The following ANKRD26 variants were observed in gnomAD, a reference collection of about 807,000 sequenced individuals.
ANKRD26 encodes ankyrin repeat domain 26.
ANKRD26 carries 141 observed loss-of-function variants against 208.7 expected under a neutral mutation model. The observed-to-expected ratio is 0.68, with a 90% CI of 0.59 to 0.78. The LOEUF (loss-of-function observed/expected upper bound fraction) is 0.78, where lower values mean the gene tolerates loss of function less well. ANKRD26 is among the 30% of genes least tolerant of loss of function. The pLI, the probability that ANKRD26 is intolerant of heterozygous loss-of-function variation, is 0.00. For missense variants in ANKRD26, 1,889 were observed against 1,938.7 expected, an observed-to-expected ratio of 0.97 and a Z score of 0.48; for synonymous variants, 636 against 660.4, an observed-to-expected ratio of 0.96 and a Z score of 0.57.
intron 12 of ANKRD26, among the ~76,000 whole-genome samples, chr10:27,061,725 G>A (rs903973872): frequency 2.6e-5 from 4 of 151,560 alleles, no homozygotes; most frequent in East Asian, 3.9e-4. Flanking sequence ...GCACCACCAC[G>A]CCTAATTTTT....
the ANKRD26 span, among the ~76,000 whole-genome samples, chr10:26,968,596 T>C: frequency 6.6e-6 from 1 of 152,212 alleles, no homozygotes; most frequent in South Asian, 2.1e-4. Flanking sequence ...CATGGTTTAA[T>C]ACCAAGACAG....
chr10:27,082,447 A>G (rs901200695), intron 6 of ANKRD26, among the ~76,000 whole-genome samples: 1 of 152,242 alleles, frequency 6.6e-6, no homozygotes, highest in African/African-American at 2.4e-5. Context: ...TCTGAGAGTT[A>G]ACATAGAACT....
chr10:26,982,819 T>TA (rs144481731), intron 3 of ANKRD26, among the ~76,000 whole-genome samples: 1 of 151,966 alleles, frequency 6.6e-6, no homozygotes, highest in African/African-American at 2.4e-5. Flanking sequence ...ACAACCTAAG[T>TA]AAAAAAACAG....
chr10:27,043,435 C>T lies in ANKRD26; in HGVS notation c.2152G>A (p.Glu718Lys). 6.2e-7 allele frequency: 1 copy of T among 1,614,016 alleles called. No homozygotes were observed. Among genetic ancestry groups the T allele is most frequent in the Non-Finnish European group, 8.5e-7 (1 of 1,179,948 alleles). ...TATGCAATGGTCCTACCTTTACACTCCATTCCAAGTTGTTCAATGAGCAAC... is the reference window on the plus strand; with the variant it reads ...TATGCAATGGTCCTACCTTTACACTTCATTCCAAGTTGTTCAATGAGCAAC... ...FMLLIEQLGM[E>K]CKDSVSLLKI... Residue 718 changes from glutamate to lysine, a missense_variant, in exon 20 of 34, where the codon GAG (glutamate) becomes AAG (lysine). Coordinates refer to ENST00000376087, the MANE Select transcript of ANKRD26 (RefSeq NM_014915.3).
intron 1 of ANKRD26, among the ~76,000 whole-genome samples, chr10:27,099,383 C>G (rs939810622): frequency 6.6e-6 from 1 of 152,158 alleles, no homozygotes; most frequent in African/African-American, 2.4e-5. Flanking sequence ...ACTGCTTAAG[C>G]AATGCTGAGA....
rs1275373986 is a variant in ANKRD26 at position 27,016,750 on chromosome 10, GT to G, written c.4506+751del. ...ATACTTGGGTCAAACTGTTAAAATGGTTGTGTTTAATTATTTGTAAATTATC... is the reference window on the plus strand; with the variant it reads ...ATACTTGGGTCAAACTGTTAAAATGGTGTGTTTAATTATTTGTAAATTATC... On this transcript the variant is annotated intron_variant, in intron 30 of 33. Coordinates refer to ENST00000376087, the MANE Select transcript of ANKRD26 (RefSeq NM_014915.3). 5.9e-5 allele frequency among the ~76,000 whole-genome samples: 9 copies of G among 152,036 alleles called. No homozygotes were observed. In the South Asian group the frequency reaches 8.3e-4, roughly 14 times the overall value.
intron 5 of ANKRD26, among the ~76,000 whole-genome samples, chr10:26,978,723 A>C (rs191619438): frequency 1.6e-3 from 247 of 152,302 alleles, no homozygotes; most frequent in Non-Finnish European, 2.2e-3. Context: ...ATGTATGCGC[A>C]AGCCACATGC....
At chr10:27,060,690 C>G in intron 13 of ANKRD26, 150 bp from the exon 14 acceptor site, 1 of 676,972 alleles carries the variant, frequency 1.5e-6, no homozygotes, top group Non-Finnish European at 2.6e-6. Context: ...TTGGTTAGGA[C>G]AGCAACATGA....
At chr10:27,051,180 G>T in intron 16 of ANKRD26, 1 of 1,289,848 alleles carries the variant, frequency 7.8e-7, no homozygotes, top group Non-Finnish European at 1.0e-6. Context: ...TACTTTTGAT[G>T]TTCTGTCACC....
chr10:27,019,942 A>G (rs1445483902), intron 29 of ANKRD26, among the ~76,000 whole-genome samples: 1 of 152,244 alleles, frequency 6.6e-6, no homozygotes, highest in Non-Finnish European at 1.5e-5. Flanking sequence ...TTCCCTGGAC[A>G]CAGCTCAAAG....
intron 9 of ANKRD26, among the ~76,000 whole-genome samples, chr10:27,075,043 G>GA (rs1319668521): frequency 1.3e-5 from 2 of 152,124 alleles, no homozygotes; most frequent in Non-Finnish European, 2.9e-5. Flanking sequence ...AATGCTGAGG[G>GA]AATCTGTCAA....
At chr10:27,080,307 G>A (rs1262642596) in intron 6 of ANKRD26, 2 of 152,520 alleles carry the variant, frequency 1.3e-5, no homozygotes, top group Non-Finnish European at 2.9e-5. Flanking sequence ...TCTTCAACAT[G>A]AAAACCACTT....
intron 3 of ANKRD26, among the ~76,000 whole-genome samples, chr10:26,984,718 T>C (rs2052358013): frequency 6.6e-6 from 1 of 152,176 alleles, no homozygotes; most frequent in Non-Finnish European, 1.5e-5. Flanking sequence ...TCCTGACACA[T>C]GGGCCTTCCC....
At chr10:27,028,814 TC>T (rs1204989595) in intron 27 of ANKRD26, 37 bp downstream of exon 27, 1 of 1,510,816 alleles carries the variant, frequency 6.6e-7, no homozygotes, top group South Asian at 1.1e-5. Context: ...GCAATAAAAT[TC>T]CTTTTCAGTA....
At position 27,035,464 on chromosome 10, in the gene ANKRD26, T is replaced by C; in HGVS notation, c.2986A>G (p.Lys996Glu). 1 of 1,614,090 alleles carries C rather than the reference T, an allele frequency of 6.2e-7. No homozygotes were observed. Among genetic ancestry groups the C allele is most frequent in the Non-Finnish European group, 8.5e-7 (1 of 1,179,966 alleles). The change falls in exon 24 of 34, where the codon AAG (lysine) becomes GAG (glutamate). Residue 996 changes from lysine (K) to glutamate (E), a missense_variant. By Grantham distance (56) the Lys-to-Glu change is moderately conservative. Transcript: ENST00000376087. ...GCTTCCAGTCTTTCCTTGCTTTGCT[T>C]TTCATTCTCCAGTTTAGAATTTAGC... is the stretch of plus-strand genomic sequence containing the variant. ...AMLNSKLENE[K>E]QSKERLEAEV...
chr10:27,000,899 TG>T (rs769718019), downstream of ANKRD26, among the ~76,000 whole-genome samples: 5 of 152,050 alleles, frequency 3.3e-5, no homozygotes, highest in Admixed American at 2.0e-4. Context: ...TCCCAGCTAC[TG>T]GGGAGGCTGA....
chr10:27,026,826 T>C (rs2135088195), intron 27 of ANKRD26, among the ~76,000 whole-genome samples: 2 of 151,402 alleles, frequency 1.3e-5, no homozygotes, highest in East Asian at 3.9e-4. Flanking sequence ...TGAGATGGAG[T>C]CTCACTCTGT....
intron 25 of ANKRD26, among the ~76,000 whole-genome samples, chr10:27,032,523 C>T (rs1001597361): frequency 6.6e-5 from 10 of 152,038 alleles, no homozygotes; most frequent in African/African-American, 2.4e-4. Flanking sequence ...GTAATCCCAG[C>T]TACTCGGGAG....
chr10:26,960,306 G>T, the ANKRD26 span, among the ~76,000 whole-genome samples: 2 of 152,184 alleles, frequency 1.3e-5, no homozygotes, highest in African/African-American at 4.8e-5. Flanking sequence ...TGGCTTCTTG[G>T]GGCCCTGAGC....
Sources: gnomAD v4.1 joint callset for allele counts (sites outside exome capture counted in the v4.1 genomes callset) on GRCh38, gnomAD v4.1.1 for gene constraint, MANE v1.5 for transcripts, NCBI Gene and HGNC (gene_info 2026-07-23, HGNC 2026-07-21) for gene names.